Variants in SESTD1 observed in about 807,000 individuals in gnomAD.
SESTD1 encodes SEC14 domain and spectrin repeat-containing protein 1.
Under a neutral mutation model 101.7 loss-of-function variants are expected in SESTD1, and 43 were observed. The observed-to-expected ratio is 0.42, with a 90% CI of 0.33 to 0.55. SESTD1 has a LOEUF of 0.55. Ranked by LOEUF, SESTD1 falls within the 20% of genes least tolerant of loss-of-function variation. SESTD1 has a pLI of 0.07. For missense variants in SESTD1, 647 were observed against 815.1 expected (o/e 0.79, Z 2.51); for synonymous variants, 283 against 286.8 (o/e 0.99, Z 0.13).
chr2:179,255,268 G>A (rs1359865283), intron 1 of SESTD1, among the ~76,000 whole-genome samples: 1 of 152,158 alleles, frequency 6.6e-6, no homozygotes, highest in Non-Finnish European at 1.5e-5. Context: ...AGCTTACTCA[G>A]GAAGGTATGT....
chr2:179,160,394 TTAA>T (rs1346539030), intron 5 of SESTD1, among the ~76,000 whole-genome samples: 3 of 152,126 alleles, frequency 2.0e-5, no homozygotes, highest in Non-Finnish European at 4.4e-5. Context: ...AGTGAAGTGA[TTAA>T]TGAGTAAGAA....
chr2:179,134,579 A>G (rs1248507988), intron 9 of SESTD1, among the ~76,000 whole-genome samples: 1 of 152,204 alleles, frequency 6.6e-6, no homozygotes, highest in Non-Finnish European at 1.5e-5. Flanking sequence ...TATGACTAAC[A>G]CATATATAGC....
intron 1 of SESTD1, among the ~76,000 whole-genome samples, chr2:179,254,863 T>C (rs1452817485): frequency 1.3e-5 from 2 of 152,242 alleles, no homozygotes; most frequent in African/African-American, 2.4e-5. Flanking sequence ...TGGAGCAAGT[T>C]TGTCAGCTCA....
intron 14 of SESTD1, 48 bp from the exon 15 acceptor site, chr2:179,116,838 T>C: frequency 1.3e-6 from 2 of 1,591,010 alleles, no homozygotes; most frequent in Non-Finnish European, 1.7e-6. Flanking sequence ...ACTCTTTACT[T>C]ATTGTATCAA....
chr2:179,141,369 C>T (rs1434330136), intron 9 of SESTD1, among the ~76,000 whole-genome samples: 2 of 152,194 alleles, frequency 1.3e-5, no homozygotes, highest in African/African-American at 2.4e-5. Flanking sequence ...TCCCATCACT[C>T]TCCTTGTTGG....
chr2:179,142,350 G>A (rs1374507705), intron 9 of SESTD1, among the ~76,000 whole-genome samples: 2 of 152,130 alleles, frequency 1.3e-5, no homozygotes, highest in Non-Finnish European at 2.9e-5. Flanking sequence ...TGAGAGCTGG[G>A]TTCTTTCCAA....
At chr2:179,197,549 C>A (rs1198227923) in intron 1 of SESTD1, among the ~76,000 whole-genome samples, 2 of 152,096 alleles carry the variant, frequency 1.3e-5, no homozygotes, top group African/African-American at 4.8e-5. Flanking sequence ...ATGTTAAGGG[C>A]AGCCAGAGAG....
intron 1 of SESTD1, among the ~76,000 whole-genome samples, chr2:179,231,198 T>G (rs370979248): frequency 6.6e-6 from 1 of 152,126 alleles, no homozygotes; most frequent in Non-Finnish European, 1.5e-5. Flanking sequence ...ATCTAACCAA[T>G]AGGTAAACTT....
chr2:179,234,708 T>C (rs1462720991), intron 1 of SESTD1, among the ~76,000 whole-genome samples: 1 of 152,216 alleles, frequency 6.6e-6, no homozygotes, highest in Non-Finnish European at 1.5e-5. Context: ...ACTTCTGTAG[T>C]ATTCCAGCCA....
intron 9 of SESTD1, among the ~76,000 whole-genome samples, chr2:179,139,484 A>G (rs1043322516): frequency 6.6e-6 from 1 of 152,236 alleles, no homozygotes; most frequent in African/African-American, 2.4e-5. Flanking sequence ...GTTAGGTCAG[A>G]TCAGTTTCAC....
At chr2:179,124,228 C>T in intron 11 of SESTD1, 136 bp downstream of exon 11, 1 of 783,642 alleles carries the variant, frequency 1.3e-6, no homozygotes, top group East Asian at 2.7e-5. Context: ...AGAATTTTAT[C>T]TCATTACCCC....
Position 179,133,724 on chromosome 2 carries a change from A to G in SESTD1, c.850-1298T>C, listed in dbSNP as rs1269875233. On this transcript the variant is annotated intron_variant, in intron 9 of 17. Coordinates refer to ENST00000428443, the MANE Select transcript of SESTD1 (RefSeq NM_178123.5). ...GTAGAAAAGAGCAGTGCAGATATACATTTCTGCTTTTACCAGGTTAAAAAA... is the reference window on the plus strand; with the variant it reads ...GTAGAAAAGAGCAGTGCAGATATACGTTTCTGCTTTTACCAGGTTAAAAAA... Among the ~76,000 whole-genome samples the G allele has an allele frequency of 3.3e-5, 5 of 152,202 alleles. No homozygotes were observed. The East Asian group carries it at 9.6e-4, about 29-fold the overall frequency.
At chr2:179,179,025 T>C (rs1363524627) in intron 3 of SESTD1, among the ~76,000 whole-genome samples, 1 of 152,152 alleles carries the variant, frequency 6.6e-6, no homozygotes, top group Admixed American at 6.5e-5. Flanking sequence ...ATTCTCACAT[T>C]TTACTAAGAT....
intron 9 of SESTD1, among the ~76,000 whole-genome samples, chr2:179,135,609 CCAGGCGTGGTATGCA>C (rs2045124010): frequency 6.6e-6 from 1 of 151,972 alleles, no homozygotes; most frequent in Admixed American, 6.6e-5. Flanking sequence ...CAAAAATTAG[CCAGGCGTGGTATGCA>C]CATCTATAGT....
chr2:179,192,899 G>A (rs140937039), intron 1 of SESTD1, among the ~76,000 whole-genome samples: 171 of 152,224 alleles, frequency 1.1e-3, no homozygotes, highest in African/African-American at 4.0e-3. Context: ...TCACAACACA[G>A]AGCAGTTCCT....
intron 2 of SESTD1, among the ~76,000 whole-genome samples, chr2:179,188,884 C>G (rs1174449313): frequency 6.6e-6 from 1 of 152,062 alleles, no homozygotes; most frequent in African/African-American, 2.4e-5. Context: ...CATAAAGAAA[C>G]TGAAGCCCTC....
In SESTD1 at chr2:179,153,572, G is replaced by A. The variant is rs147502073; in HGVS notation, c.370-2181C>T. Among the ~76,000 whole-genome samples, 891 of 152,252 alleles carry A rather than the reference G, an allele frequency of 5.9e-3. 5 individuals carry two copies. Among genetic ancestry groups the A allele is most frequent in the Non-Finnish European group, 9.7e-3 (662 of 68,006 alleles). On this transcript the variant is annotated intron_variant, in intron 5 of 17. Transcript: ENST00000428443. ...GTCCAATGGAAGGTTTAGAAATAATGACCAATTTTGTAGAAATGTATGTTC... is the reference window on the plus strand; with the variant it reads ...GTCCAATGGAAGGTTTAGAAATAATAACCAATTTTGTAGAAATGTATGTTC...
chr2:179,185,783 T>C (rs2046216796), intron 2 of SESTD1, among the ~76,000 whole-genome samples: 1 of 126,372 alleles, frequency 7.9e-6, no homozygotes, highest in Non-Finnish European at 1.6e-5. Flanking sequence ...ATATACAATA[T>C]AGTATACAAT....
chr2:179,250,704 T>TG (rs113115080), intron 1 of SESTD1, among the ~76,000 whole-genome samples: 67,943 of 151,588 alleles, frequency 0.45, 18,027 homozygotes, highest in African/African-American at 0.75. Context: ...AATCACTTTT[T>TG]AAAAGACCTG....
Sources: allele counts gnomAD v4.1 joint callset (sites outside exome capture counted in the v4.1 genomes callset), GRCh38; gene constraint gnomAD v4.1.1; transcripts MANE v1.5; gene names NCBI Gene and HGNC (gene_info 2026-07-23, HGNC 2026-07-21).